Variants in SIPA1L3 observed in about 807,000 individuals in gnomAD.
SIPA1L3 encodes the protein signal induced proliferation associated 1 like 3.
Under a neutral mutation model 150.1 loss-of-function variants are expected in SIPA1L3, and 59 were observed. The observed-to-expected ratio is 0.39, with a 90% CI of 0.32 to 0.49. The LOEUF is 0.49. Ranked by LOEUF, SIPA1L3 falls within the 20% of genes least tolerant of loss-of-function variation. SIPA1L3 has a pLI of 0.86. For synonymous variants in SIPA1L3, 1,070 were observed against 1,077.6 expected, an observed-to-expected ratio of 0.99 and a Z score of 0.14; for missense variants, 2,211 against 2,489.5, an observed-to-expected ratio of 0.89 and a Z score of 2.38.
At position 38,119,592 on chromosome 19, in the gene SIPA1L3, C is replaced by A. The variant is rs147725895; in HGVS notation, c.2578C>A (p.Arg860=). 1.2e-6 allele frequency: 2 copies of A among 1,614,108 alleles called. No individual in the cohort carries two copies. The highest frequency in any genetic ancestry group is 1.7e-6 in the Non-Finnish European group (2 of 1,180,050). The change falls in exon 9 of 22, where the codon CGG becomes AGG. Residue 860 remains arginine (R), a synonymous_variant. Transcript: ENST00000222345. The part of the protein sequence containing the change: ...TSKKKEKTKA[R]AGAEQHSAGA... ...CAAGAAGAAGGAAAAGACAAAAGCA[C>A]GGGCTGGCGCTGAGCAGCACAGTGC...
At chr19:38,005,740 A>G (rs1255120795) in intron 1 of SIPA1L3, among the ~76,000 whole-genome samples, 2 of 152,240 alleles carry the variant, frequency 1.3e-5, no homozygotes, top group African/African-American at 2.4e-5. Flanking sequence ...TAATAGTGAC[A>G]TAAGGAGAAA....
At chr19:38,043,733 G>A (rs757170379) in intron 2 of SIPA1L3, among the ~76,000 whole-genome samples, 2 of 152,148 alleles carry the variant, frequency 1.3e-5, no homozygotes, top group Non-Finnish European at 2.9e-5. Flanking sequence ...ATGGAAAAGC[G>A]AGTGATAATC....
At chr19:38,196,441 AAGGAGGTCAAGGGCGGAGTG>A (rs1972943555) in intron 18 of SIPA1L3, among the ~76,000 whole-genome samples, 1 of 147,876 alleles carries the variant, frequency 6.8e-6, no homozygotes, top group African/African-American at 2.5e-5. Context: ...AGGGCAGAGC[AAGGAGGTCAAGGGCGGAGTG>A]TGGAGGTCAA....
chr19:37,927,688 TGTG>T (rs2046518139), intron 1 of SIPA1L3, among the ~76,000 whole-genome samples: 1 of 143,400 alleles, frequency 7.0e-6, no homozygotes, highest in African/African-American at 2.5e-5. Context: ...TGTGTGTGTG[TGTG>T]TATGCAATGT....
intron 13 of SIPA1L3, among the ~76,000 whole-genome samples, chr19:38,153,254 A>G (rs1971868982): frequency 6.6e-6 from 1 of 152,184 alleles, no homozygotes. Context: ...GCCACCAGGG[A>G]AGGTAGCTGA....
At chr19:37,960,956 C>T (rs1187537184) in intron 1 of SIPA1L3, among the ~76,000 whole-genome samples, 1 of 151,998 alleles carries the variant, frequency 6.6e-6, no homozygotes, top group Non-Finnish European at 1.5e-5. Flanking sequence ...GCAGCCTCCA[C>T]CTCCTGGGTT....
chr19:37,991,024 G>A (rs1967493976), intron 1 of SIPA1L3, among the ~76,000 whole-genome samples: 1 of 152,146 alleles, frequency 6.6e-6, no homozygotes, highest in Non-Finnish European at 1.5e-5. Flanking sequence ...CTTGAGGCCA[G>A]GAGTTCAAGA....
chr19:38,054,230 C>A (rs558969001), intron 2 of SIPA1L3, among the ~76,000 whole-genome samples: 1 of 152,246 alleles, frequency 6.6e-6, no homozygotes, highest in Non-Finnish European at 1.5e-5. Context: ...ACAGGGAGGC[C>A]ACTCCCATGC....
chr19:38,133,647 G>A (rs1286589545), intron 10 of SIPA1L3, among the ~76,000 whole-genome samples: 2 of 152,130 alleles, frequency 1.3e-5, no homozygotes, highest in Middle Eastern at 3.2e-3. Context: ...ATCACAGAGT[G>A]GGGAGGCAGG....
chr19:38,040,366 GT>G (rs5828001), intron 2 of SIPA1L3, among the ~76,000 whole-genome samples: 93,959 of 149,636 alleles, frequency 0.63, 29,329 homozygotes, highest in East Asian at 0.71. Context: ...CCATTAGACA[GT>G]TTTTTTTTTT....
At position 38,198,442 on chromosome 19, in the gene SIPA1L3, C is replaced by T. The variant is rs201477085; in HGVS notation, c.4894C>T (p.Arg1632Trp). Residue 1632 changes from arginine to tryptophan, a missense_variant, in exon 19 of 22, where the codon CGG becomes TGG. Arg to Trp is a moderately radical substitution (Grantham distance 101, BLOSUM62 -3). Coordinates refer to ENST00000222345, the MANE Select transcript of SIPA1L3 (RefSeq NM_015073.3). ...SLADGRDRPL[R>W]RLDPGLMPLP... ...GGCTGATGGGCGGGACCGCCCCCTG[C>T]GGCGCCTGGACCCTGGGCTGATGCC... 2.1e-5 allele frequency: 33 copies of T among 1,602,638 alleles called. No homozygotes were observed. In the East Asian group the frequency reaches 5.1e-4, roughly 25 times the overall value.
chr19:38,019,838 A>C (rs1300603724), intron 1 of SIPA1L3, among the ~76,000 whole-genome samples: 1 of 152,142 alleles, frequency 6.6e-6, no homozygotes, highest in Non-Finnish European at 1.5e-5. Flanking sequence ...CTGTAATCTC[A>C]GCATTTTGTG....
chr19:38,006,274 A>G (rs769682492), intron 1 of SIPA1L3, among the ~76,000 whole-genome samples: 8 of 152,136 alleles, frequency 5.3e-5, no homozygotes, highest in Non-Finnish European at 8.8e-5. Flanking sequence ...AAAGGCCCGA[A>G]CCTAGAAGCA....
intron 16 of SIPA1L3, among the ~76,000 whole-genome samples, chr19:38,187,177 C>T (rs1298296964): frequency 6.6e-6 from 1 of 151,554 alleles, no homozygotes; most frequent in Non-Finnish European, 1.5e-5. Flanking sequence ...TTCAGCCAGG[C>T]GTGGTAGCTC....
At position 38,193,930 on chromosome 19, in the gene SIPA1L3, G is replaced by A. The variant is rs1600197349; in HGVS notation, c.4840+150G>A. The A allele has an allele frequency of 8.6e-6, 8 of 929,282 alleles. No individual in the cohort carries two copies. In the African/African-American group the frequency reaches 8.8e-5, roughly 10 times the overall value. The allele number at this position is 929,282 out of a possible 1,614,324, so 57.6% of individuals were successfully genotyped here. A position where few individuals can be genotyped will look rare whatever the true frequency, so the allele number is the denominator to read the frequency against. Reference sequence around the variant, plus strand: ...AGGAATGGGGTTCACAGGAACTTCGGGGGGCCTGATGGTGGGGCACTGGGT... The same window carrying A: ...AGGAATGGGGTTCACAGGAACTTCGAGGGGCCTGATGGTGGGGCACTGGGT... On this transcript the variant is annotated intron_variant, in intron 18 of 21. Coordinates refer to ENST00000222345, the MANE Select transcript of SIPA1L3 (RefSeq NM_015073.3).
intron 8 of SIPA1L3, among the ~76,000 whole-genome samples, chr19:38,112,159 CCA>C (rs1209829488): frequency 2.7e-5 from 4 of 149,064 alleles, no homozygotes; most frequent in South Asian, 2.1e-4. Flanking sequence ...GCACATGCAT[CCA>C]CACACATGCA....
In SIPA1L3 at chr19:38,119,783, C is replaced by T; in HGVS notation, c.2769C>T (p.Ser923=). ...CGDVIGWTPD[S]STLKIFYGRG... is the part of the protein sequence containing the mutation. ...ATGTCATTGGCTGGACTCCAGACTC[C>T]TCCACACTCAAAATCTTCTATGGAC... Residue 923 remains serine (S), a synonymous_variant, in exon 9 of 22, where the codon TCC becomes TCT. Coordinates refer to ENST00000222345, the MANE Select transcript of SIPA1L3 (RefSeq NM_015073.3). 1.9e-6 allele frequency: 3 copies of T among 1,613,932 alleles called. No homozygotes were observed. Among genetic ancestry groups the T allele is most frequent in the Non-Finnish European group, 2.5e-6 (3 of 1,180,028 alleles).
At chr19:38,049,634 C>T (rs951453839) in intron 2 of SIPA1L3, among the ~76,000 whole-genome samples, 2 of 152,176 alleles carry the variant, frequency 1.3e-5, no homozygotes, top group African/African-American at 2.4e-5. Context: ...TAGGCATTCT[C>T]TCTCCCCAGG....
chr19:37,924,651 C>G (rs1182479072), intron 1 of SIPA1L3, among the ~76,000 whole-genome samples: 1 of 148,262 alleles, frequency 6.7e-6, no homozygotes, highest in African/African-American at 2.5e-5. Flanking sequence ...GCACTCCAGC[C>G]TGGGTGACAG....
Sources: gnomAD v4.1 joint callset for allele counts (sites outside exome capture counted in the v4.1 genomes callset) on GRCh38, gnomAD v4.1.1 for gene constraint, MANE v1.5 for transcripts, NCBI Gene and HGNC (gene_info 2026-07-23, HGNC 2026-07-21) for gene names.